The following WDR7 variants were observed in gnomAD, a reference collection of about 807,000 sequenced individuals.
The protein encoded by WDR7 is WD repeat-containing protein 7.
In WDR7, 46 loss-of-function variants were observed where a neutral mutation model predicts 169.4. The ratio of observed to expected loss-of-function variants is 0.27; its 90% CI spans 0.21 to 0.35. The LOEUF (loss-of-function observed/expected upper bound fraction) is 0.35. Ranked by LOEUF, WDR7 falls within the 10% of genes least tolerant of loss-of-function variation. WDR7 has a pLI of 1.00. For synonymous variants in WDR7, 612 were observed against 666.8 expected (o/e 0.92, Z 1.27); for missense variants, 1,534 against 1,859.3 (o/e 0.83, Z 3.22).
intron 25 of WDR7, among the ~76,000 whole-genome samples, chr18:56,952,124 G>A (rs552943510): frequency 6.6e-5 from 10 of 152,314 alleles, no homozygotes; most frequent in Admixed American, 3.9e-4. Flanking sequence ...GAAAATGAGA[G>A]TGAAAAGGGC....
chr18:56,892,833 A>G (rs990071947), intron 21 of WDR7, among the ~76,000 whole-genome samples: 8 of 152,204 alleles, frequency 5.3e-5, no homozygotes, highest in South Asian at 4.1e-4. Context: ...CATCCGTGGT[A>G]GTAACATTTA....
At chr18:56,979,531 T>A (rs988045957) in intron 26 of WDR7, among the ~76,000 whole-genome samples, 1 of 152,214 alleles carries the variant, frequency 6.6e-6, no homozygotes, top group Non-Finnish European at 1.5e-5. Flanking sequence ...CACCAATATC[T>A]TGTTAACCCT....
chr18:56,813,565 G>A, intron 19 of WDR7, among the ~76,000 whole-genome samples: 1 of 151,504 alleles, frequency 6.6e-6, no homozygotes, highest in Non-Finnish European at 1.5e-5. Context: ...TAATATTTTG[G>A]ATCTTAATTG....
At chr18:56,733,004 G>A (rs2026620786) in intron 14 of WDR7, among the ~76,000 whole-genome samples, 1 of 152,182 alleles carries the variant, frequency 6.6e-6, no homozygotes, top group African/African-American at 2.4e-5. Flanking sequence ...AAGTGGTACA[G>A]TAACAGTTAT....
At chr18:56,897,406 AAG>A (rs1320834736) in intron 21 of WDR7, among the ~76,000 whole-genome samples, 3 of 45,680 alleles carry the variant, frequency 6.6e-5, no homozygotes, top group African/African-American at 1.1e-4. Flanking sequence ...TGAGCAAAAA[AAG>A]AATGGAAAAA....
chr18:56,653,268 G>A (rs1406824097), intron 1 of WDR7, among the ~76,000 whole-genome samples: 25 of 151,540 alleles, frequency 1.6e-4, no homozygotes, highest in Admixed American at 1.4e-3. Context: ...GTGCAGTGGC[G>A]TGATCTCAGC....
intron 25 of WDR7, among the ~76,000 whole-genome samples, chr18:56,955,120 A>G (rs1014283491): frequency 3.9e-5 from 6 of 152,188 alleles, no homozygotes; most frequent in Non-Finnish European, 7.4e-5. Flanking sequence ...GATGTAAAGT[A>G]GCTTCAGTCC....
chr18:56,831,373 G>A (rs1307383212), intron 20 of WDR7, among the ~76,000 whole-genome samples: 1 of 152,128 alleles, frequency 6.6e-6, no homozygotes, highest in Non-Finnish European at 1.5e-5. Context: ...GGACTAGCTG[G>A]AATGAATAAA....
At chr18:56,804,802 CAA>C (rs1286749186) in intron 19 of WDR7, among the ~76,000 whole-genome samples, 1 of 152,186 alleles carries the variant, frequency 6.6e-6, no homozygotes, top group East Asian at 1.9e-4. Context: ...TTCGCAAATG[CAA>C]ATGTACAAAG....
At chr18:56,870,169 A>G (rs1166709737) in intron 20 of WDR7, among the ~76,000 whole-genome samples, 1 of 152,206 alleles carries the variant, frequency 6.6e-6, no homozygotes, top group African/African-American at 2.4e-5. Context: ...AAAGTGTTTT[A>G]AAAATGAATA....
At chr18:56,948,509 T>TGCAA (rs1684203937) in intron 25 of WDR7, among the ~76,000 whole-genome samples, 1 of 152,238 alleles carries the variant, frequency 6.6e-6, no homozygotes, top group Non-Finnish European at 1.5e-5. Flanking sequence ...TAACTGTGCT[T>TGCAA]GAATAATGAC....
At chr18:56,940,544 T>C (rs1044734606) in intron 25 of WDR7, among the ~76,000 whole-genome samples, 1 of 152,220 alleles carries the variant, frequency 6.6e-6, no homozygotes, top group Non-Finnish European at 1.5e-5. Flanking sequence ...GTTTTAACAT[T>C]ATGCCGTGTG....
At chr18:56,876,267 C>T (rs772957699) in intron 20 of WDR7, among the ~76,000 whole-genome samples, 6 of 151,928 alleles carry the variant, frequency 3.9e-5, no homozygotes, top group Non-Finnish European at 7.4e-5. Context: ...CAACATATAG[C>T]GCAAAGAACT....
chr18:56,904,838 G>A (rs2046454447), intron 21 of WDR7, among the ~76,000 whole-genome samples: 1 of 152,096 alleles, frequency 6.6e-6, no homozygotes, highest in South Asian at 2.1e-4. Context: ...GTCATCTCCA[G>A]ATGAACTAGA....
chr18:56,767,313 G>A (rs1016326420), intron 16 of WDR7, among the ~76,000 whole-genome samples: 8 of 152,146 alleles, frequency 5.3e-5, no homozygotes, highest in African/African-American at 1.9e-4. Flanking sequence ...GAAGAACTTT[G>A]ATCTTTGCAG....
intron 26 of WDR7, among the ~76,000 whole-genome samples, chr18:56,987,813 A>G (rs191784876): frequency 1.3e-5 from 2 of 152,342 alleles, no homozygotes; most frequent in African/African-American, 4.8e-5. Flanking sequence ...TCCCTTGCAG[A>G]CTTAATACTT....
chr18:56,692,059 C>G (rs1271894963), intron 9 of WDR7, among the ~76,000 whole-genome samples: 12 of 152,032 alleles, frequency 7.9e-5, no homozygotes, highest in African/African-American at 2.9e-4. Context: ...ATGCTAATTG[C>G]GTATTGAAAT....
intron 1 of WDR7, among the ~76,000 whole-genome samples, chr18:56,665,063 C>T (rs1378801991): frequency 6.6e-6 from 1 of 151,922 alleles, no homozygotes; most frequent in Non-Finnish European, 1.5e-5. Flanking sequence ...GGAGGTGAGG[C>T]GGGTGGATCA....
chr18:56,801,650 T>G (rs1218157738), intron 19 of WDR7, among the ~76,000 whole-genome samples: 1 of 152,218 alleles, frequency 6.6e-6, no homozygotes, highest in Non-Finnish European at 1.5e-5. Context: ...CTCATCTGTT[T>G]TCCATCCTTA....
Sources: allele counts gnomAD v4.1 joint callset (sites outside exome capture counted in the v4.1 genomes callset), GRCh38; gene constraint gnomAD v4.1.1; transcripts MANE v1.5; gene names NCBI Gene and HGNC (gene_info 2026-07-23, HGNC 2026-07-21).